Variants in KDM4B observed in about 807,000 individuals in gnomAD.
The protein encoded by KDM4B is lysine demethylase 4B, also known as lysine-specific demethylase 4B.
Under a neutral mutation model 125.2 loss-of-function variants are expected in KDM4B, and 32 were observed. That is an observed-to-expected ratio of 0.26 (90% CI 0.19 to 0.34). The LOEUF is 0.34. KDM4B is among the 10% of genes least tolerant of loss of function. The pLI is 1.00. For synonymous variants in KDM4B, 721 were observed against 677.9 expected (o/e 1.06, Z -0.99); for missense variants, 1,190 against 1,577.7 (o/e 0.75, Z 4.16).
intron 1 of KDM4B, among the ~76,000 whole-genome samples, chr19:4,993,240 T>A (rs956094134): frequency 2.0e-5 from 3 of 152,088 alleles, no homozygotes; most frequent in Admixed American, 2.0e-4. Context: ...CAAAACCCTG[T>A]CTCTACTAAA....
intron 1 of KDM4B, among the ~76,000 whole-genome samples, chr19:4,990,533 C>T (rs912512181): frequency 2.0e-5 from 3 of 152,108 alleles, no homozygotes; most frequent in African/African-American, 4.8e-5. Context: ...ATCCTGGGGC[C>T]GTGGAGAGCT....
In KDM4B at chr19:5,039,848, A is replaced by C. The variant is rs1424147271; in HGVS notation, c.154A>C (p.Lys52Gln). The change falls in exon 4 of 23, where the codon AAG becomes CAG. Residue 52 changes from lysine (K) to glutamine (Q), a missense_variant. Coordinates refer to ENST00000159111, the MANE Select transcript of KDM4B (RefSeq NM_015015.3). ...RAGLAKIIPPKEWKPRQTYDD... is the reference protein window; with the variant it reads ...RAGLAKIIPPQEWKPRQTYDD... The stretch of plus-strand genomic sequence containing the variant: ...CTTGGTCTTGCAGATCATCCCCCCG[A>C]AGGAGTGGAAGCCGCGGCAGACGTA... 1 of 1,612,456 alleles carries C rather than the reference A, an allele frequency of 6.2e-7. No individual in the cohort carries two copies. Among genetic ancestry groups the C allele is most frequent in the South Asian group, 1.1e-5 (1 of 91,062 alleles).
Position 5,151,709 on chromosome 19 carries a change from CT to C in KDM4B, c.*199del. ...GACTCAGGGAGCAGGGCCAGGCGGG[CT>C]CGGGGGCCGGCCAGGGGAGCACCCC... On this transcript the variant is annotated 3_prime_UTR_variant, in exon 23 of 23. Coordinates refer to ENST00000159111, the MANE Select transcript of KDM4B (RefSeq NM_015015.3). 4.8e-6 allele frequency: 2 copies of C among 416,116 alleles called. No individual in the cohort carries two copies. 25.8% of individuals were successfully genotyped at this position (416,116 alleles called of 1,614,324 possible).
chr19:5,041,987 G>C (rs1384098949), intron 5 of KDM4B, among the ~76,000 whole-genome samples: 1 of 152,224 alleles, frequency 6.6e-6, no homozygotes, highest in Non-Finnish European at 1.5e-5. Context: ...GGAGGATTCT[G>C]TTCAGGCTGG....
intron 6 of KDM4B, among the ~76,000 whole-genome samples, chr19:5,061,176 C>T (rs969421935): frequency 1.3e-5 from 2 of 152,204 alleles, no homozygotes; most frequent in South Asian, 2.1e-4. Context: ...CTGCGAGAGC[C>T]GAGAGCTCTG....
chr19:5,097,828 C>T (rs1032631227), intron 9 of KDM4B, among the ~76,000 whole-genome samples: 3 of 152,212 alleles, frequency 2.0e-5, no homozygotes, highest in Non-Finnish European at 2.9e-5. Context: ...TGGAGTTCTC[C>T]TGTGGGAGGT....
intron 2 of KDM4B, among the ~76,000 whole-genome samples, chr19:5,027,401 G>A (rs752856149): frequency 1.3e-5 from 2 of 152,208 alleles, no homozygotes; most frequent in Non-Finnish European, 2.9e-5. Flanking sequence ...TGAAGCTGCC[G>A]TTTGCATGGC....
intron 1 of KDM4B, among the ~76,000 whole-genome samples, chr19:5,013,498 C>T (rs983776415): frequency 6.6e-6 from 1 of 152,180 alleles, no homozygotes; most frequent in Non-Finnish European, 1.5e-5. Context: ...CATGGGCCTC[C>T]CTGGGCTAAA....
chr19:5,066,451 G>A (rs2037772270), intron 6 of KDM4B, among the ~76,000 whole-genome samples: 1 of 152,166 alleles, frequency 6.6e-6, no homozygotes, highest in East Asian at 1.9e-4. Flanking sequence ...CTCCCCATGG[G>A]CCTAGGAGCT....
chr19:5,033,244 G>A (rs1026249944), intron 3 of KDM4B, among the ~76,000 whole-genome samples: 3 of 152,234 alleles, frequency 2.0e-5, no homozygotes, highest in African/African-American at 4.8e-5. Context: ...AGAAGTGGCC[G>A]GTGCAGGCCC....
At chr19:5,067,875 G>A (rs1404202588) in intron 6 of KDM4B, among the ~76,000 whole-genome samples, 1 of 152,122 alleles carries the variant, frequency 6.6e-6, no homozygotes, top group Non-Finnish European at 1.5e-5. Flanking sequence ...CTGGGGTCAC[G>A]GGCAGGCAAA....
chr19:4,993,896 G>GTCAT (rs2145393343), intron 1 of KDM4B, among the ~76,000 whole-genome samples: 1 of 151,916 alleles, frequency 6.6e-6, no homozygotes, highest in African/African-American at 2.4e-5. Flanking sequence ...ACAGGCATGA[G>GTCAT]TCATTATACC....
intron 7 of KDM4B, 142 bp downstream of exon 7, chr19:5,071,201 A>G: frequency 1.4e-6 from 1 of 708,182 alleles, no homozygotes; most frequent in Non-Finnish European, 2.3e-6. Context: ...TTGAGCCATT[A>G]CTGTGTGATT....
rs369418694 is a variant in KDM4B at position 5,145,473 on chromosome 19, C to T, written c.3021+571C>T. On this transcript the variant is annotated intron_variant, in intron 21 of 22. Transcript: ENST00000159111. ...ACAGGCACCTGTAGTCCCAGCTGCT[C>T]GGGAGGCTGAGGCAGGAGAATCGCT... 4.8e-4 allele frequency among the ~76,000 whole-genome samples: 73 copies of T among 152,020 alleles called. 1 individual carries two copies. In the South Asian group the frequency reaches 5.6e-3, roughly 12 times the overall value.
At chr19:5,014,775 TA>T (rs1377766445) in intron 1 of KDM4B, among the ~76,000 whole-genome samples, 3 of 151,720 alleles carry the variant, frequency 2.0e-5, no homozygotes, top group Non-Finnish European at 4.4e-5. Context: ...GTGGGTGGAT[TA>T]CAAGGTTAGG....
intron 1 of KDM4B, among the ~76,000 whole-genome samples, chr19:4,975,354 C>CTT (rs1215314185): frequency 1.3e-5 from 2 of 151,280 alleles, no homozygotes; most frequent in South Asian, 4.2e-4. Flanking sequence ...TCTTCTTTTG[C>CTT]TTTTTTTTTC....
chr19:5,041,330 C>A, intron 5 of KDM4B, 79 bp downstream of exon 5: 2 of 1,097,990 alleles, frequency 1.8e-6, no homozygotes, highest in South Asian at 1.3e-5. Flanking sequence ...CGGGACTCTG[C>A]CTTGGCAGAT....
intron 2 of KDM4B, among the ~76,000 whole-genome samples, chr19:5,026,042 C>T (rs149356192): frequency 1.3e-5 from 2 of 151,790 alleles, no homozygotes; most frequent in African/African-American, 2.4e-5. Context: ...GCCACCACAC[C>T]CAGCTAATGT....
At chr19:5,014,920 G>A (rs867053595) in intron 1 of KDM4B, among the ~76,000 whole-genome samples, 8 of 151,742 alleles carry the variant, frequency 5.3e-5, no homozygotes, top group African/African-American at 2.4e-5. Context: ...GCTTGAACCC[G>A]GCAGGCGGAG....
Sources: gnomAD v4.1 joint callset for allele counts (sites outside exome capture counted in the v4.1 genomes callset) on GRCh38, gnomAD v4.1.1 for gene constraint, MANE v1.5 for transcripts, NCBI Gene and HGNC (gene_info 2026-07-23, HGNC 2026-07-21) for gene names.